Variants in ARPC2 observed in about 807,000 individuals in gnomAD.
ARPC2 encodes the protein actin-related protein 2/3 complex subunit 2.
In ARPC2, 4 loss-of-function variants were observed where a neutral mutation model predicts 38.6. That is an observed-to-expected ratio of 0.10 (90% CI 0.05 to 0.24). ARPC2 has a LOEUF of 0.24. ARPC2 is among the 10% of genes least tolerant of loss of function. The probability of loss-of-function intolerance (pLI) is 1.00; values close to 1 mark genes in which losing one functional copy is unlikely to be tolerated. For synonymous variants in ARPC2, 125 were observed against 140.8 expected, an observed-to-expected ratio of 0.89 and a Z score of 0.79; for missense variants, 229 against 387.3, an observed-to-expected ratio of 0.59 and a Z score of 3.43.
chr2:218,233,495 A>G (rs879066128), intron 4 of ARPC2: 1 of 151,974 alleles, frequency 6.6e-6, no homozygotes, highest in Admixed American at 6.6e-5. Flanking sequence ...AGTAGCCAGC[A>G]GTAGGTTCTG....
intron 7 of ARPC2, among the ~76,000 whole-genome samples, chr2:218,243,138 G>C (rs957031169): frequency 9.9e-5 from 15 of 152,146 alleles, no homozygotes; most frequent in Admixed American, 3.9e-4. Context: ...TTGTTGTATG[G>C]TATGAAAGAA....
At chr2:218,249,943 C>T (rs1037178568) in intron 10 of ARPC2, 22 bp downstream of exon 10, 5 of 1,567,544 alleles carry the variant, frequency 3.2e-6, no homozygotes, top group South Asian at 2.3e-5. Flanking sequence ...AGCACCCCAG[C>T]GACCACCTTC....
intron 7 of ARPC2, 148 bp downstream of exon 7, chr2:218,239,632 T>C: frequency 1.6e-6 from 1 of 640,330 alleles, no homozygotes; most frequent in South Asian, 2.0e-5. Flanking sequence ...TCTCTCTTGT[T>C]GCCCAGGCTG....
At chr2:218,220,743 C>CATG (rs57845790) in intron 2 of ARPC2, among the ~76,000 whole-genome samples, 151,717 of 152,284 alleles carry the variant, frequency 1, 75,579 homozygotes, top group South Asian at 1. Context: ...TACATTTGAT[C>CATG]ATAACCTTTT....
chr2:218,252,615 TGA>T (rs534503328), intron 10 of ARPC2, among the ~76,000 whole-genome samples: 449 of 152,154 alleles, frequency 3.0e-3, no homozygotes, highest in Non-Finnish European at 4.9e-3. Flanking sequence ...CCAGGTACAG[TGA>T]GAGGGAAGCC....
intron 5 of ARPC2, 94 bp from the exon 6 acceptor site, chr2:218,238,570 T>G (rs1336809445): frequency 3.1e-6 from 3 of 975,732 alleles, no homozygotes; most frequent in Non-Finnish European, 4.5e-6. Flanking sequence ...CTCTGTTTAC[T>G]TGGTATAGAT....
At chr2:218,250,673 A>G (rs1482993123) in intron 10 of ARPC2, among the ~76,000 whole-genome samples, 4 of 151,246 alleles carry the variant, frequency 2.6e-5, no homozygotes, top group African/African-American at 9.7e-5. Flanking sequence ...CAAAAAAAAA[A>G]AAAAAAATTT....
rs1172583686 is a variant in ARPC2 at position 218,245,633 on chromosome 2, A to G, written c.676+87A>G. The G allele has an allele frequency of 3.2e-6, 5 of 1,550,018 alleles. No homozygotes were observed. The East Asian group carries it at 9.1e-5, about 28-fold the overall frequency. On this transcript the variant is annotated intron_variant, in intron 8 of 10. Coordinates refer to ENST00000315717, the MANE Select transcript of ARPC2 (RefSeq NM_152862.3). ...AAATCTGCACAGAACCTTGGTTAAC[A>G]TTTTAAGGTAGGCAAACGCAGGCAT...
intron 2 of ARPC2, among the ~76,000 whole-genome samples, chr2:218,225,159 T>G (rs1689468705): frequency 2.6e-5 from 4 of 152,214 alleles, no homozygotes; most frequent in Admixed American, 2.6e-4. Flanking sequence ...TCCCCCATTT[T>G]ATTGATGATA....
chr2:218,217,612 G>A, intron 2 of ARPC2, 68 bp downstream of exon 2: 1 of 1,451,786 alleles, frequency 6.9e-7, no homozygotes, highest in Non-Finnish European at 9.5e-7. Flanking sequence ...CCCCAATGTT[G>A]TCCAGTCCCC....
intron 9 of ARPC2, 121 bp from the exon 10 acceptor site, chr2:218,249,700 G>A: frequency 1.0e-6 from 1 of 958,440 alleles, no homozygotes; most frequent in Middle Eastern, 2.2e-4. Flanking sequence ...TCCCTGCAGG[G>A]CCTGGGTCAA....
intron 4 of ARPC2, chr2:218,233,935 C>T (rs141154757): frequency 0.017 from 2,633 of 155,846 alleles, 68 homozygotes; most frequent in African/African-American, 0.06. Flanking sequence ...GAGGACGAGG[C>T]GGGTGGATCA....
Position 218,228,661 on chromosome 2 carries a change from C to T in ARPC2, c.110-77C>T, listed in dbSNP as rs1391049994. The stretch of plus-strand genomic sequence containing the variant: ...CCTTAAAAGTGGTCTTCCTTGTGGC[C>T]TACGGCAAGGTAGGCGCTTGGAGAG... On this transcript the variant is annotated intron_variant, in intron 3 of 10. Coordinates refer to ENST00000315717, the MANE Select transcript of ARPC2 (RefSeq NM_152862.3). The T allele has an allele frequency of 7.0e-6, 6 of 853,450 alleles. No homozygotes were observed. The African/African-American group carries it at 1.0e-4, about 15-fold the overall frequency. The allele number at this position is 853,450 out of a possible 1,614,324, so 52.9% of individuals were successfully genotyped here.
intron 4 of ARPC2, chr2:218,233,026 G>GT (rs2106150068): frequency 6.6e-6 from 1 of 152,308 alleles, no homozygotes; most frequent in Admixed American, 6.5e-5. Context: ...GCCAGGCATG[G>GT]TGGCTCACTC....
At chr2:218,235,275 A>C (rs938622006) in intron 5 of ARPC2, 1 of 161,692 alleles carries the variant, frequency 6.2e-6, no homozygotes, top group Non-Finnish European at 1.3e-5. Flanking sequence ...TCTTGGGCTC[A>C]AGCAATCCTC....
intron 9 of ARPC2, 139 bp downstream of exon 9, chr2:218,249,603 A>G (rs1690131417): frequency 3.8e-6 from 3 of 784,966 alleles, no homozygotes; most frequent in Non-Finnish European, 6.0e-6. Flanking sequence ...TCAAGAAACC[A>G]TGGTCTTTCT....
At chr2:218,217,391 G>A in intron 1 of ARPC2, 72 bp from the exon 2 acceptor site, 2 of 1,443,138 alleles carry the variant, frequency 1.4e-6, no homozygotes, top group Admixed American at 1.7e-5. Flanking sequence ...GGGGGCAGCA[G>A]GGCCGCTCCC....
intron 7 of ARPC2, among the ~76,000 whole-genome samples, chr2:218,241,146 G>T (rs1481727020): frequency 2.6e-5 from 4 of 152,208 alleles, no homozygotes; most frequent in African/African-American, 9.6e-5. Flanking sequence ...GGGTGGTAAA[G>T]ATTTTTAAAT....
intron 5 of ARPC2, among the ~76,000 whole-genome samples, chr2:218,237,687 C>G (rs1215302574): frequency 6.6e-6 from 1 of 152,064 alleles, no homozygotes; most frequent in South Asian, 2.1e-4. Context: ...CTGCCTCAGC[C>G]TCCCAAGTAG....
Sources: allele counts gnomAD v4.1 joint callset (sites outside exome capture counted in the v4.1 genomes callset), GRCh38; gene constraint gnomAD v4.1.1; transcripts MANE v1.5; gene names NCBI Gene and HGNC (gene_info 2026-07-23, HGNC 2026-07-21).